Variants in SMYD3 observed in about 807,000 individuals in gnomAD.
SMYD3 encodes SET and MYND domain containing 3.
In SMYD3, 36 loss-of-function variants were observed where a neutral mutation model predicts 57.7. That is an observed-to-expected ratio of 0.62 (90% CI 0.48 to 0.82). SMYD3 has a LOEUF of 0.82. SMYD3 is among the 40% of genes least tolerant of loss of function. The pLI is 0.00. For synonymous variants in SMYD3, 211 were observed against 195.0 expected (o/e 1.08, Z -0.68); for missense variants, 515 against 538.8 (o/e 0.96, Z 0.44).
chr1:246,366,794 G>A (rs190660564), intron 1 of SMYD3, among the ~76,000 whole-genome samples: 37 of 152,058 alleles, frequency 2.4e-4, no homozygotes, highest in African/African-American at 8.9e-4. Context: ...AGCCAGGCAT[G>A]GTGGTGTGTG....
intron 5 of SMYD3, among the ~76,000 whole-genome samples, chr1:246,030,136 T>G (rs2059646019): frequency 6.6e-6 from 1 of 151,830 alleles, no homozygotes; most frequent in South Asian, 2.1e-4. Context: ...GATATTTAAC[T>G]CCATAAAAGA....
In SMYD3 at chr1:245,842,709, T is replaced by G. The variant is rs2050466146; in HGVS notation, c.1076+15787A>C. ...AAAGTTCCACGTTTTATATTAATTT[T>G]TATTTTACTTTTTTTTAGAGATGGG... On this transcript the variant is annotated intron_variant, in intron 10 of 11. Coordinates refer to ENST00000490107, the MANE Select transcript of SMYD3 (RefSeq NM_001167740.2). 2.6e-5 allele frequency among the ~76,000 whole-genome samples: 4 copies of G among 152,302 alleles called. No individual in the cohort carries two copies. The South Asian group carries it at 8.3e-4, about 32-fold the overall frequency.
chr1:246,142,872 CAAGT>C (rs1403641669), intron 5 of SMYD3, among the ~76,000 whole-genome samples: 4 of 152,096 alleles, frequency 2.6e-5, no homozygotes, highest in Non-Finnish European at 4.4e-5. Flanking sequence ...AGTGTGAAGA[CAAGT>C]AAGAAGGGCT....
chr1:246,063,318 G>A (rs573586303), intron 5 of SMYD3, among the ~76,000 whole-genome samples: 1 of 152,318 alleles, frequency 6.6e-6, no homozygotes, highest in South Asian at 2.1e-4. Flanking sequence ...TAGAGACTCA[G>A]TACCCAGGGT....
chr1:246,216,001 A>G (rs1487163072), intron 5 of SMYD3, among the ~76,000 whole-genome samples: 1 of 152,116 alleles, frequency 6.6e-6, no homozygotes, highest in African/African-American at 2.4e-5. Context: ...GTGAAAAACA[A>G]ACTCAAGGCC....
intron 5 of SMYD3, among the ~76,000 whole-genome samples, chr1:246,286,377 C>T (rs2064563790): frequency 6.6e-6 from 1 of 152,096 alleles, no homozygotes. Flanking sequence ...CACCACACAG[C>T]TCCCATCAAT....
At chr1:245,806,750 A>T (rs1202971738) in intron 10 of SMYD3, among the ~76,000 whole-genome samples, 4 of 151,266 alleles carry the variant, frequency 2.6e-5, no homozygotes, top group Non-Finnish European at 4.4e-5. Flanking sequence ...CTCTACTAAA[A>T]ATACAAAAAA....
chr1:245,751,532 AAG>A (rs1295508359), intron 11 of SMYD3, among the ~76,000 whole-genome samples: 1 of 136,274 alleles, frequency 7.3e-6, no homozygotes, highest in Non-Finnish European at 1.6e-5. Context: ...GAGAGAGAGA[AAG>A]AGAGAGAAAG....
intron 8 of SMYD3, among the ~76,000 whole-genome samples, chr1:245,887,819 T>C (rs1249236165): frequency 6.6e-6 from 1 of 152,180 alleles, no homozygotes; most frequent in Non-Finnish European, 1.5e-5. Flanking sequence ...ATGGTTGGCC[T>C]ATGATATATG....
At chr1:246,420,390 T>C (rs1317698022) in intron 1 of SMYD3, among the ~76,000 whole-genome samples, 2 of 152,322 alleles carry the variant, frequency 1.3e-5, no homozygotes, top group African/African-American at 4.8e-5. Context: ...GCACAGTGAC[T>C]TCACAGCACG....
At chr1:245,767,246 A>T (rs190678255) in intron 10 of SMYD3, among the ~76,000 whole-genome samples, 119 of 152,278 alleles carry the variant, frequency 7.8e-4, no homozygotes, top group African/African-American at 2.6e-3. Flanking sequence ...AAAGTGAAGC[A>T]GCAATCAGGT....
chr1:246,453,950 T>C (rs2067666243), intron 1 of SMYD3, among the ~76,000 whole-genome samples: 1 of 152,298 alleles, frequency 6.6e-6, no homozygotes, highest in South Asian at 2.1e-4. Flanking sequence ...ATGGAACAAG[T>C]GGATCTTCTA....
At chr1:246,244,146 C>G (rs950250748) in intron 5 of SMYD3, among the ~76,000 whole-genome samples, 3 of 151,976 alleles carry the variant, frequency 2.0e-5, no homozygotes, top group African/African-American at 4.8e-5. Context: ...TTACTATACT[C>G]TAAACATAGA....
chr1:245,978,911 G>A (rs533732363), intron 5 of SMYD3, among the ~76,000 whole-genome samples: 1 of 152,140 alleles, frequency 6.6e-6, no homozygotes, highest in Non-Finnish European at 1.5e-5. Flanking sequence ...GAAACACCTG[G>A]GAAAGAGACC....
chr1:246,047,520 T>C (rs1028757283), intron 5 of SMYD3, among the ~76,000 whole-genome samples: 18 of 152,206 alleles, frequency 1.2e-4, no homozygotes, highest in Admixed American at 7.2e-4. Context: ...AATTTCTAGA[T>C]AGACTAAATA....
chr1:246,370,125 T>C (rs767259834), intron 1 of SMYD3, among the ~76,000 whole-genome samples: 8 of 152,170 alleles, frequency 5.3e-5, no homozygotes, highest in Non-Finnish European at 1.0e-4. Flanking sequence ...TTGTGGAGCC[T>C]GTGCCATCTG....
At chr1:245,955,836 T>C (rs1474875039) in intron 5 of SMYD3, 9 of 667,098 alleles carry the variant, frequency 1.3e-5, no homozygotes, top group Non-Finnish European at 1.7e-5. Flanking sequence ...TACTTACAGA[T>C]GGAATCATAC....
intron 5 of SMYD3, among the ~76,000 whole-genome samples, chr1:246,028,957 T>C (rs1293799875): frequency 1.3e-5 from 2 of 152,164 alleles, no homozygotes; most frequent in African/African-American, 2.4e-5. Context: ...TTGTAAAATG[T>C]GTCAAGAAAA....
chr1:246,298,234 T>A (rs55854938), intron 5 of SMYD3, among the ~76,000 whole-genome samples: 37,532 of 147,350 alleles, frequency 0.25, 5,019 homozygotes, highest in East Asian at 0.39. Flanking sequence ...GGTAAAAAAA[T>A]AATAATAATA....
Sources: gnomAD v4.1 joint callset for allele counts (sites outside exome capture counted in the v4.1 genomes callset) on GRCh38, gnomAD v4.1.1 for gene constraint, MANE v1.5 for transcripts, NCBI Gene and HGNC (gene_info 2026-07-23, HGNC 2026-07-21) for gene names.